SARDH: variants seen among roughly 807,000 people sequenced by gnomAD.
SARDH encodes sarcosine dehydrogenase, mitochondrial.
In SARDH, 95 loss-of-function variants were observed where a neutral mutation model predicts 109.1. The observed-to-expected ratio is 0.87, with a 90% CI of 0.74 to 1.03. The LOEUF (loss-of-function observed/expected upper bound fraction) is 1.03, where lower values mean the gene tolerates loss of function less well. SARDH is among the 50% of genes least tolerant of loss of function. SARDH has a pLI of 0.00. For missense variants in SARDH, 1,267 were observed against 1,287.8 expected (o/e 0.98, Z 0.25); for synonymous variants, 572 against 534.8 (o/e 1.07, Z -0.96).
chr9:133,719,737 C>T (rs1006880996), intron 6 of SARDH, among the ~76,000 whole-genome samples: 29 of 148,830 alleles, frequency 1.9e-4, no homozygotes, highest in Non-Finnish European at 2.1e-4. Context: ...AAGCGAAAGG[C>T]TTGCCGCCCA....
rs1388507354 is a variant in SARDH at position 133,670,988 on chromosome 9, G to C, written c.2327-236C>G. 3.3e-5 allele frequency among the ~76,000 whole-genome samples: 5 copies of C among 152,272 alleles called. No homozygotes were observed. The East Asian group carries it at 5.8e-4, about 18-fold the overall frequency. On this transcript the variant is annotated intron_variant, in intron 18 of 20. Transcript: ENST00000439388. ...GCAGCCCTCTGCACCCTCAGGTGGG[G>C]GCGTCAGGGAGGGGCTTGTGAAGGG...
Position 133,734,456 on chromosome 9 carries a change from T to TCATTCATTCATTCATTCAC in SARDH, c.-30-254_-30-253insGTGAATGAATGAATGAATG, listed in dbSNP as rs1832813601. Among the ~76,000 whole-genome samples, 2 of 144,222 alleles carry TCATTCATTCATTCATTCAC rather than the reference T, an allele frequency of 1.4e-5. 1 individual carries two copies. Among genetic ancestry groups the TCATTCATTCATTCATTCAC allele is most frequent in the Non-Finnish European group, 3.0e-5 (2 of 66,880 alleles). The allele number at this position is 144,222 out of a possible 152,430, so 94.6% of individuals were successfully genotyped here. On this transcript the variant is annotated intron_variant, in intron 1 of 20. Transcript: ENST00000439388. The stretch of plus-strand genomic sequence containing the variant: ...ATTCATTCACTCATTCATTCATTCA[T>TCATTCATTCATTCATTCAC]TCACTCATTCATTCATTCATTCATT...
rs75516508 is a variant in SARDH at position 133,693,010 on chromosome 9, C to T, written c.1921+1248G>A. On this transcript the variant is annotated intron_variant, in intron 15 of 20. Transcript: ENST00000439388. The surrounding 1 kb of genome is among the most constrained non-coding windows in gnomAD (Gnocchi z 5.6). ...AACCGCAGAGGCCCAGGAGCCCCTG[C>T]CAGCCCCCAGCCCCGAAGACCCGCT... Among the ~76,000 whole-genome samples the T allele has an allele frequency of 6.6e-6, 1 of 152,292 alleles. No homozygotes were observed. Among genetic ancestry groups the T allele is most frequent in the African/African-American group, 2.4e-5 (1 of 41,554 alleles).
intron 16 of SARDH, 41 bp downstream of exon 16, chr9:133,690,339 C>T: frequency 6.3e-7 from 1 of 1,588,926 alleles, no homozygotes; most frequent in Non-Finnish European, 8.6e-7. Context: ...TGGGTCCAGG[C>T]AGCAGGTGCA....
Position 133,670,738 on chromosome 9 carries a change from G to A in SARDH, c.2341C>T (p.His781Tyr), listed in dbSNP as rs1297707810. ...CTGTCGTCTGGCCGCAGGTCCGCGT[G>A]CCAGTGCCGGTAGCCTGTGGGAAGG... is the stretch of plus-strand genomic sequence containing the variant. ...LSIEKGYRHW[H>Y]ADLRPDDSPL... The change falls in exon 19 of 21, where the codon CAC (histidine) becomes TAC (tyrosine). Residue 781 changes from histidine to tyrosine, a missense_variant. By Grantham distance (83) the His-to-Tyr change is moderately conservative. Coordinates refer to ENST00000439388, the MANE Select transcript of SARDH (RefSeq NM_001134707.2). The A allele has an allele frequency of 1.3e-6, 2 of 1,583,940 alleles. No individual in the cohort carries two copies. Among genetic ancestry groups the A allele is most frequent in the Non-Finnish European group, 8.6e-7 (1 of 1,166,420 alleles).
At chr9:133,721,309 A>T (rs1832318824) in intron 6 of SARDH, among the ~76,000 whole-genome samples, 4 of 152,226 alleles carry the variant, frequency 2.6e-5, no homozygotes. Flanking sequence ...ACATGGAGCA[A>T]ACTCTTCAAA....
chr9:133,698,873 C>T (rs192802211), intron 13 of SARDH, among the ~76,000 whole-genome samples: 28 of 152,256 alleles, frequency 1.8e-4, no homozygotes, highest in Admixed American at 1.6e-3. Flanking sequence ...AGACATGACA[C>T]CAAAAACACA....
intron 3 of SARDH, 74 bp downstream of exon 3, chr9:133,732,349 A>C (rs1832714785): frequency 1.2e-3 from 642 of 550,958 alleles, no homozygotes; most frequent in East Asian, 3.5e-3. Context: ...GGGTGCACCC[A>C]CCAATATGAC....
At position 133,692,353 on chromosome 9, in the gene SARDH, C is replaced by T. The variant is rs116496829; in HGVS notation, c.1922-1826G>A. Among the ~76,000 whole-genome samples the T allele has an allele frequency of 0.061, 9,285 of 152,158 alleles. 822 individuals are homozygous for T. The highest frequency in any genetic ancestry group is 0.19 in the African/African-American group (7,816 of 41,466). ...CTGCGGCTATGGGCTGTGCCTGGGC[C>T]GCCCCTCTACTGGGGGCTGATGCCT... On this transcript the variant is annotated intron_variant, in intron 15 of 20. Transcript: ENST00000439388. This position sits in a 1 kb window ranked among gnomAD's most constrained non-coding sequence, Gnocchi z 5.0.
chr9:133,688,553 G>A (rs1186142602), intron 16 of SARDH, among the ~76,000 whole-genome samples: 1 of 151,824 alleles, frequency 6.6e-6, no homozygotes, highest in Non-Finnish European at 1.5e-5. Flanking sequence ...CCCCACCAAA[G>A]CCCAAGCCCG....
chr9:133,685,266 ACCT>A lies in SARDH; in HGVS notation c.2087_2089del (p.Glu696del). The A allele has an allele frequency of 6.2e-7, 1 of 1,613,702 alleles. No individual in the cohort carries two copies. The highest frequency in any genetic ancestry group is 8.5e-7 in the Non-Finnish European group (1 of 1,179,898). ...CTCGTTGCTCAGGTCTGCGTCCAGC[ACCT>A]CCTGCAAAATGGCTCGGCTGCAGGC... On this transcript the variant is annotated inframe_deletion, in exon 17 of 21. Coordinates refer to ENST00000439388, the MANE Select transcript of SARDH (RefSeq NM_001134707.2).
chr9:133,715,875 C>T (rs1832102336), intron 8 of SARDH, among the ~76,000 whole-genome samples: 1 of 152,236 alleles, frequency 6.6e-6, no homozygotes, highest in Non-Finnish European at 1.5e-5. Context: ...TTCCAGTGCC[C>T]TTCACTAAAG....
At position 133,709,383 on chromosome 9, in the gene SARDH, C is replaced by G. The variant is rs746805992; in HGVS notation, c.1329-955G>C. On this transcript the variant is annotated intron_variant, in intron 10 of 20. Transcript: ENST00000439388. The surrounding 1 kb of genome is among the most constrained non-coding windows in gnomAD (Gnocchi z 4.2). ...CGGAACTGCTGGCTGGAGTGAGACC[C>G]GGGCCCAGCTGCATCAGGGCCCTGC... is the stretch of plus-strand genomic sequence containing the variant. 2.0e-5 allele frequency among the ~76,000 whole-genome samples: 3 copies of G among 152,198 alleles called. No homozygotes were observed. In the South Asian group the frequency reaches 6.2e-4, roughly 32 times the overall value.
chr9:133,671,721 G>C, intron 17 of SARDH, 24 bp from the exon 18 acceptor site: 3 of 1,551,334 alleles, frequency 1.9e-6, no homozygotes, highest in Non-Finnish European at 8.7e-7. Context: ...TCATGGCTTA[G>C]ATGTGGCCAT....
intron 13 of SARDH, among the ~76,000 whole-genome samples, chr9:133,702,148 GA>G (rs746552744): frequency 1.3e-5 from 2 of 152,222 alleles, no homozygotes; most frequent in Non-Finnish European, 2.9e-5. Context: ...GTGGCACGGG[GA>G]CAACAGCTGT....
At chr9:133,729,242 C>T (rs1832591642) in intron 6 of SARDH, among the ~76,000 whole-genome samples, 1 of 151,924 alleles carries the variant, frequency 6.6e-6, no homozygotes, top group Admixed American at 6.5e-5. Flanking sequence ...GCCACCATCC[C>T]TGGAGGGAGG....
Position 133,703,040 on chromosome 9 carries a change from A to C in SARDH, c.1555-11T>G, listed in dbSNP as rs762107175. On this transcript the variant is annotated splice_polypyrimidine_tract_variant and intron_variant, in intron 12 of 20. Transcript: ENST00000439388. ...GTCGTACTCGAGGACCTGGGAAGAAAAGACGTGGTCCTCAGCCTGCCTCTT... is the reference window on the plus strand; with the variant it reads ...GTCGTACTCGAGGACCTGGGAAGAACAGACGTGGTCCTCAGCCTGCCTCTT... 3 of 1,609,112 alleles carry C rather than the reference A, an allele frequency of 1.9e-6. No homozygotes were observed. Among genetic ancestry groups the C allele is most frequent in the Non-Finnish European group, 2.5e-6 (3 of 1,177,934 alleles).
chr9:133,734,131 G>A lies in SARDH; in HGVS notation c.43C>T (p.Pro15Ser), dbSNP rs1188444583. The A allele has an allele frequency of 6.2e-7, 1 of 1,608,996 alleles. No individual in the cohort carries two copies. Among genetic ancestry groups the A allele is most frequent in the East Asian group, 2.2e-5 (1 of 44,812 alleles). Residue 15 changes from proline (P) to serine (S), a missense_variant, in exon 2 of 21, where the codon CCT (proline) becomes TCT (serine). Physicochemically the swap from Pro to Ser is moderately conservative, Grantham distance 74. Transcript: ENST00000439388. The part of the protein sequence containing the change: ...SRALRVAAAH[P>S]RQSPTRGMGP... ...ATGCCCCGGGTAGGGCTCTGGCGAG[G>A]GTGGGCAGCAGCCACACGTAGGGCT...
At chr9:133,720,052 G>A (rs190578210) in intron 6 of SARDH, among the ~76,000 whole-genome samples, 2 of 152,042 alleles carry the variant, frequency 1.3e-5, no homozygotes, top group East Asian at 3.9e-4. Context: ...GGTGCTTGCA[G>A]TGAGCCGAGA....
Sources: allele counts gnomAD v4.1 joint callset (sites outside exome capture counted in the v4.1 genomes callset), GRCh38; gene constraint gnomAD v4.1.1; non-coding constraint Gnocchi (gnomAD v3.1); transcripts MANE v1.5; gene names NCBI Gene and HGNC (gene_info 2026-07-23, HGNC 2026-07-21).